KLF8: variants seen among roughly 807,000 people sequenced by gnomAD.
KLF8 encodes the protein KLF transcription factor 8.
Under a neutral mutation model 18.2 loss-of-function variants are expected in KLF8, and 10 were observed. The ratio of observed to expected loss-of-function variants is 0.55; its 90% confidence interval spans 0.34 to 0.93. KLF8 has a LOEUF of 0.93. Ranked by LOEUF, KLF8 falls within the 40% of genes least tolerant of loss-of-function variation. The pLI is 0.02. For synonymous variants in KLF8, 109 were observed against 97.3 expected, an observed-to-expected ratio of 1.12 and a Z score of -0.71; for missense variants, 264 against 277.9, an observed-to-expected ratio of 0.95 and a Z score of 0.36.
At chrX:56,049,277 A>G in the KLF8 span, among the ~76,000 whole-genome samples, 7 of 111,149 alleles carry the variant, frequency 6.3e-5, no homozygotes, top group Admixed American at 4.8e-4. Context: ...CTGCCTGATT[A>G]TCCTGGCCAG....
chrX:55,937,453 A>G, the KLF8 span, among the ~76,000 whole-genome samples: 1 of 112,428 alleles, frequency 8.9e-6, no homozygotes, highest in Non-Finnish European at 1.9e-5. Flanking sequence ...CAGAAACTCT[A>G]AAAATCAGAG....
chrX:56,162,772 T>C, the KLF8 span, among the ~76,000 whole-genome samples: 2 of 111,136 alleles, frequency 1.8e-5, no homozygotes, highest in African/African-American at 3.3e-5. Context: ...CTGCATCCAC[T>C]GTCCTGCTCC....
chrX:56,033,175 C>G, the KLF8 span, among the ~76,000 whole-genome samples: 1 of 111,258 alleles, frequency 9.0e-6, no homozygotes, highest in Admixed American at 9.6e-5. Flanking sequence ...AGCAACATCT[C>G]CCCATTCCCC....
the KLF8 span, among the ~76,000 whole-genome samples, chrX:56,056,025 T>A: frequency 9.0e-6 from 1 of 111,599 alleles, no homozygotes; most frequent in Non-Finnish European, 1.9e-5. Context: ...TGGATCTCAA[T>A]GATCTTCCTT....
At chrX:56,019,286 TTA>T in the KLF8 span, among the ~76,000 whole-genome samples, 1 of 112,418 alleles carries the variant, frequency 8.9e-6, no homozygotes, top group Non-Finnish European at 1.9e-5. Flanking sequence ...CTGGAGATTG[TTA>T]TATGTTATTA....
chrX:56,100,784 A>G, the KLF8 span, among the ~76,000 whole-genome samples: 1 of 112,181 alleles, frequency 8.9e-6, no homozygotes, highest in Non-Finnish European at 1.9e-5. Flanking sequence ...TCTTGCGATA[A>G]AACTTGAATG....
the KLF8 span, among the ~76,000 whole-genome samples, chrX:56,153,530 CTA>C: frequency 9.0e-6 from 1 of 111,388 alleles, no homozygotes; most frequent in Non-Finnish European, 1.9e-5. Flanking sequence ...ACTTACAACA[CTA>C]TGTTGAACAG....
At chrX:56,207,526 T>C in the KLF8 span, among the ~76,000 whole-genome samples, 1 of 111,651 alleles carries the variant, frequency 9.0e-6, no homozygotes, top group Non-Finnish European at 1.9e-5. Flanking sequence ...TCCACAGATC[T>C]CTAGGACAGG....
the KLF8 span, among the ~76,000 whole-genome samples, chrX:55,996,000 G>A: frequency 1.8e-5 from 2 of 111,453 alleles, no homozygotes; most frequent in African/African-American, 3.3e-5. Context: ...GGACACCAAT[G>A]AGTCATAAGT....
chrX:55,930,831 T>C, the KLF8 span, among the ~76,000 whole-genome samples: 6 of 111,667 alleles, frequency 5.4e-5, no homozygotes, highest in African/African-American at 1.6e-4. Flanking sequence ...TCAGGCATAT[T>C]GGCCTGAAAT....
Position 56,284,561 on chromosome X carries a change from A to C in KLF8, c.*67A>C, listed in dbSNP as rs2067247930. The C allele has an allele frequency of 2.1e-6, 2 of 954,221 alleles. No homozygotes were observed. Among genetic ancestry groups the C allele is most frequent in the African/African-American group, 3.9e-5 (2 of 50,802 alleles). The allele number at this position is 954,221 out of a possible 1,213,427, so 78.6% of individuals were successfully genotyped here. On this transcript the variant is annotated 3_prime_UTR_variant, in exon 6 of 6. Coordinates refer to ENST00000468660, the MANE Select transcript of KLF8 (RefSeq NM_007250.5). ...CTGGTCGTGTGCTGAGGTTGGGACA[A>C]TTTTTTCCTCTTTGACTTCAGCTTG...
the KLF8 span, among the ~76,000 whole-genome samples, chrX:56,057,462 C>T: frequency 9.0e-5 from 10 of 111,504 alleles, no homozygotes; most frequent in Non-Finnish European, 1.5e-4. Context: ...AAGTGATGTG[C>T]GGGGTTGCTG....
At chrX:56,028,775 C>A in the KLF8 span, among the ~76,000 whole-genome samples, 1 of 111,158 alleles carries the variant, frequency 9.0e-6, no homozygotes, top group African/African-American at 3.3e-5. Context: ...TTCTCAGGAG[C>A]TAGTCTAATG....
chrX:55,931,985 T>C, the KLF8 span, among the ~76,000 whole-genome samples: 3 of 110,720 alleles, frequency 2.7e-5, no homozygotes, highest in African/African-American at 9.9e-5. Flanking sequence ...TCTCCCACTA[T>C]TATTGTGTGG....
the KLF8 span, among the ~76,000 whole-genome samples, chrX:55,997,685 G>A: frequency 9.9e-5 from 11 of 111,424 alleles, no homozygotes; most frequent in Non-Finnish European, 2.1e-4. Flanking sequence ...AGCTCTTCTT[G>A]GCTGCATACA....
At chrX:56,223,620 T>C in the KLF8 span, among the ~76,000 whole-genome samples, 2 of 112,931 alleles carry the variant, frequency 1.8e-5, no homozygotes, top group African/African-American at 6.4e-5. Context: ...ACCTAGATTC[T>C]GCCTTCACAG....
intron 1 of KLF8, among the ~76,000 whole-genome samples, chrX:56,235,663 A>G (rs1306265790): frequency 2.7e-5 from 3 of 109,950 alleles, no homozygotes; most frequent in Non-Finnish European, 3.8e-5. Context: ...TGATCCATCC[A>G]CCTCAGCCTC....
At chrX:56,178,256 G>T in the KLF8 span, among the ~76,000 whole-genome samples, 1 of 112,775 alleles carries the variant, frequency 8.9e-6, no homozygotes, top group Non-Finnish European at 1.9e-5. Flanking sequence ...ATTTTCTTCT[G>T]TGTCTGTTGG....
the KLF8 span, among the ~76,000 whole-genome samples, chrX:55,947,403 C>T: frequency 1.4e-4 from 15 of 105,138 alleles, no homozygotes; most frequent in African/African-American, 4.5e-4. Context: ...AACCAAACAC[C>T]GCATATTCTC....
Sources: allele counts gnomAD v4.1 joint callset (sites outside exome capture counted in the v4.1 genomes callset), GRCh38; gene constraint gnomAD v4.1.1; transcripts MANE v1.5; gene names NCBI Gene and HGNC (gene_info 2026-07-23, HGNC 2026-07-21).